CIB2: variants seen among roughly 807,000 people sequenced by gnomAD.
CIB2 encodes calcium and integrin binding family member 2.
In CIB2, 19 loss-of-function variants were observed where a neutral mutation model predicts 23.1. The observed-to-expected ratio is 0.82, with a 90% CI of 0.57 to 1.21. The LOEUF is 1.21. Among genes scored for constraint, CIB2 ranks in the 50% most tolerant of loss-of-function variants. The probability of loss-of-function intolerance (pLI) is 0.00; values close to 1 mark genes in which losing one functional copy is unlikely to be tolerated. For missense variants in CIB2, 220 were observed against 241.5 expected, an observed-to-expected ratio of 0.91 and a Z score of 0.59; for synonymous variants, 94 against 91.7, an observed-to-expected ratio of 1.03 and a Z score of -0.14.
rs1415854423 is a variant in CIB2, at chr15:78,105,764, T to C, written c.517A>G (p.Ile173Val). Reference protein sequence around the residue: ...KLGFADFEDMIAKAPDFLSTF... With the variant: ...KLGFADFEDMVAKAPDFLSTF... The stretch of plus-strand genomic sequence containing the variant: ...CTGAGGAAGTCAGGGGCCTTGGCAA[T>C]CATGTCCTCGAAGTCAGCAAAGCCC... Residue 173 changes from isoleucine to valine, a missense_variant, in exon 5 of 6, where the codon ATT becomes GTT. Ile to Val is a conservative substitution (Grantham distance 29). Transcript: ENST00000258930. 1 of 1,614,160 alleles carries C rather than the reference T, an allele frequency of 6.2e-7. No homozygotes were observed. The highest frequency in any genetic ancestry group is 8.5e-7 in the Non-Finnish European group (1 of 1,180,020).
chr15:78,122,336 C>T (rs1451263317), intron 2 of CIB2, among the ~76,000 whole-genome samples: 1 of 152,168 alleles, frequency 6.6e-6, no homozygotes, highest in Middle Eastern at 3.2e-3. Context: ...GCTTTTGTTG[C>T]CAGAATGAAA....
chr15:78,131,045 C>T lies in CIB2; in HGVS notation c.51+120G>A. Reference sequence around the variant, plus strand: ...CCAAGGTCACGCGTCGAGCTGAAGGCAGAGGCAGGGTTTGAACCTGGGAGA... The same window carrying T: ...CCAAGGTCACGCGTCGAGCTGAAGGTAGAGGCAGGGTTTGAACCTGGGAGA... On this transcript the variant is annotated intron_variant, in intron 1 of 5. Transcript: ENST00000258930. The surrounding 1 kb of genome is among the most constrained non-coding windows in gnomAD (Gnocchi z 5.8). 1.3e-6 allele frequency: 1 copy of T among 785,088 alleles called. No individual in the cohort carries two copies. Among genetic ancestry groups the T allele is most frequent in the Non-Finnish European group, 1.9e-6 (1 of 527,942 alleles). 48.6% of individuals were successfully genotyped at this position (785,088 alleles called of 1,614,324 possible). A position where few individuals can be genotyped will look rare whatever the true frequency, so the allele number is the denominator to read the frequency against.
At chr15:78,119,607 C>T (rs991692275) in intron 2 of CIB2, among the ~76,000 whole-genome samples, 1 of 151,820 alleles carries the variant, frequency 6.6e-6, no homozygotes, top group Non-Finnish European at 1.5e-5. Context: ...CGCTTTGTAG[C>T]CCAGGCTGGA....
chr15:78,112,242 C>T lies in CIB2; in HGVS notation c.87-966G>A, dbSNP rs377366003. Among the ~76,000 whole-genome samples, 125 of 152,258 alleles carry T rather than the reference C, an allele frequency of 8.2e-4. 1 individual carries two copies. Among genetic ancestry groups the T allele is most frequent in the African/African-American group, 2.9e-3 (122 of 41,542 alleles). On this transcript the variant is annotated intron_variant, in intron 2 of 5. Transcript: ENST00000258930. ...TCCCTGTCATCCCAGAGAATAGCCC[C>T]CCATCCCAAGACAGGTACAAATTGT...
At chr15:78,109,211 G>A (rs2141886952) in intron 4 of CIB2, 24 bp downstream of exon 4, 1 of 1,564,324 alleles carries the variant, frequency 6.4e-7, no homozygotes, top group South Asian at 1.2e-5. Flanking sequence ...GCATATTCAG[G>A]CCCCCTCCTC....
chr15:78,128,289 C>T (rs116051584), intron 1 of CIB2, among the ~76,000 whole-genome samples: 7,637 of 152,252 alleles, frequency 0.05, 287 homozygotes, highest in South Asian at 0.15. Flanking sequence ...GCAGGGAGAG[C>T]AGCAGGAGAA....
At chr15:78,108,201 CAAAA>C (rs5813898) in intron 4 of CIB2, among the ~76,000 whole-genome samples, 7 of 105,492 alleles carry the variant, frequency 6.6e-5, no homozygotes, top group Non-Finnish European at 7.9e-5. Flanking sequence ...GACTCTGTCT[CAAAA>C]AAAAAAAAAA....
chr15:78,121,421 C>T (rs1039216650), intron 2 of CIB2, among the ~76,000 whole-genome samples: 9 of 152,226 alleles, frequency 5.9e-5, no homozygotes, highest in Admixed American at 6.5e-5. Flanking sequence ...TGCCTGGAGC[C>T]CCTCATTTTC....
rs144880730 is a variant in CIB2, at chr15:78,113,059, G to A, written c.87-1783C>T. Among the ~76,000 whole-genome samples the A allele has an allele frequency of 8.2e-3, 1,255 of 152,260 alleles. 18 individuals are homozygous for A. The highest frequency in any genetic ancestry group is 0.029 in the African/African-American group (1,202 of 41,546). ...CTCCCATTTTCAGGTAGGGAAAACT[G>A]AGGCTCAAGAATCAAGTGTCTTCCC... On this transcript the variant is annotated intron_variant, in intron 2 of 5. Coordinates refer to ENST00000258930, the MANE Select transcript of CIB2 (RefSeq NM_006383.4).
chr15:78,122,969 T>C (rs769332560), intron 2 of CIB2, among the ~76,000 whole-genome samples: 3 of 152,212 alleles, frequency 2.0e-5, no homozygotes, highest in Non-Finnish European at 4.4e-5. Flanking sequence ...CTTTGCTGGC[T>C]TTTAGTGCCA....
chr15:78,113,625 G>C (rs1311091476), intron 2 of CIB2, among the ~76,000 whole-genome samples: 1 of 151,788 alleles, frequency 6.6e-6, no homozygotes, highest in African/African-American at 2.4e-5. Flanking sequence ...CCGCCTCCCG[G>C]GTTCAGGCCA....
intron 2 of CIB2, among the ~76,000 whole-genome samples, chr15:78,112,932 G>A (rs2074182278): frequency 6.6e-6 from 1 of 152,162 alleles, no homozygotes; most frequent in Non-Finnish European, 1.5e-5. Flanking sequence ...ACCAGCTATC[G>A]TTTAGCAAGT....
At chr15:78,116,486 A>T (rs1458464723) in intron 2 of CIB2, among the ~76,000 whole-genome samples, 1 of 151,972 alleles carries the variant, frequency 6.6e-6, no homozygotes, top group Non-Finnish European at 1.5e-5. Context: ...AAAATTATAC[A>T]GAAGGATGTG....
At position 78,113,085 on chromosome 15, in the gene CIB2, C is replaced by T. The variant is rs188025279; in HGVS notation, c.87-1809G>A. 3.9e-4 allele frequency among the ~76,000 whole-genome samples: 60 copies of T among 152,322 alleles called. 1 individual carries two copies. In the East Asian group the frequency reaches 0.011, roughly 28 times the overall value. ...AGGCTCAAGAATCAAGTGTCTTCCC[C>T]ATCCTACACAGCCAATGAGCAGTGG... On this transcript the variant is annotated intron_variant, in intron 2 of 5. Transcript: ENST00000258930.
At chr15:78,129,343 T>C (rs2074423440) in intron 1 of CIB2, among the ~76,000 whole-genome samples, 1 of 152,052 alleles carries the variant, frequency 6.6e-6, no homozygotes, top group African/African-American at 2.4e-5. Context: ...AACATAACAC[T>C]GGGACTGGCT....
At position 78,131,075 on chromosome 15, in the gene CIB2, G is replaced by A; in HGVS notation, c.51+90C>T. On this transcript the variant is annotated intron_variant, in intron 1 of 5. Coordinates refer to ENST00000258930, the MANE Select transcript of CIB2 (RefSeq NM_006383.4). The surrounding 1 kb of genome is among the most constrained non-coding windows in gnomAD (Gnocchi z 5.8). ...GCAGGGTTTGAACCTGGGAGAGCTGGCTCTCGGGAGGCCTCGGCCAGCGAC... is the reference window on the plus strand; with the variant it reads ...GCAGGGTTTGAACCTGGGAGAGCTGACTCTCGGGAGGCCTCGGCCAGCGAC... The A allele has an allele frequency of 8.3e-7, 1 of 1,198,106 alleles. No individual in the cohort carries two copies. Among genetic ancestry groups the A allele is most frequent in the Non-Finnish European group, 1.2e-6 (1 of 861,662 alleles). 74.2% of individuals were successfully genotyped at this position (1,198,106 alleles called of 1,614,324 possible).
intron 2 of CIB2, among the ~76,000 whole-genome samples, chr15:78,117,283 T>TAAAAAAAAAAAAAAAA (rs1265422874): frequency 2.2e-5 from 3 of 133,510 alleles, no homozygotes; most frequent in African/African-American, 5.7e-5. Context: ...AAAGTTTGTT[T>TAAAAAAAAAAAAAAAA]AAAAGAATAA....
At chr15:78,114,095 C>G (rs973505204) in intron 2 of CIB2, among the ~76,000 whole-genome samples, 2 of 152,202 alleles carry the variant, frequency 1.3e-5, no homozygotes, top group Non-Finnish European at 2.9e-5. Context: ...GGCTATTCTA[C>G]TGTTCTCACC....
chr15:78,124,785 A>C (rs574504244), intron 1 of CIB2, among the ~76,000 whole-genome samples: 4 of 152,318 alleles, frequency 2.6e-5, no homozygotes, highest in African/African-American at 9.6e-5. Context: ...ATGAGGAGTG[A>C]ATGGCTGAAA....
Sources: gnomAD v4.1 joint callset for allele counts (sites outside exome capture counted in the v4.1 genomes callset) on GRCh38, gnomAD v4.1.1 for gene constraint, Gnocchi (gnomAD v3.1) non-coding constraint, MANE v1.5 for transcripts, NCBI Gene and HGNC (gene_info 2026-07-23, HGNC 2026-07-21) for gene names.